Variants in RMDN3 observed in about 807,000 individuals in gnomAD.
RMDN3 encodes regulator of microtubule dynamics protein 3.
In RMDN3, 41 loss-of-function variants were observed where a neutral mutation model predicts 61.8. That is an observed-to-expected ratio of 0.66 (90% CI 0.52 to 0.86). The LOEUF (loss-of-function observed/expected upper bound fraction) is 0.86, where lower values mean the gene tolerates loss of function less well. Ranked by LOEUF, RMDN3 falls within the 40% of genes least tolerant of loss-of-function variation. The probability of loss-of-function intolerance (pLI) is 0.00; values close to 1 mark genes in which losing one functional copy is unlikely to be tolerated. For synonymous variants in RMDN3, 247 were observed against 232.0 expected (o/e 1.06, Z -0.59); for missense variants, 557 against 585.3 (o/e 0.95, Z 0.50).
chr15:40,744,152 G>A lies in RMDN3; in HGVS notation c.808-3C>T. The A allele has an allele frequency of 3.1e-6, 5 of 1,612,964 alleles. No individual in the cohort carries two copies. The highest frequency in any genetic ancestry group is 3.4e-6 in the Non-Finnish European group (4 of 1,179,928). On this transcript the variant is annotated splice_polypyrimidine_tract_variant and splice_region_variant and intron_variant, in intron 5 of 12. Coordinates refer to ENST00000338376, the MANE Select transcript of RMDN3 (RefSeq NM_018145.3). The stretch of plus-strand genomic sequence containing the variant: ...AGAAAGTCCTGCCGGCTTCCATACT[G>A]CAGACCAGACAGAAACGGGTGAGGC...
intron 10 of RMDN3, 63 bp from the exon 11 acceptor site, chr15:40,737,404 A>G: frequency 6.8e-7 from 1 of 1,474,998 alleles, no homozygotes. Context: ...GCTGAAGTTT[A>G]TTAAACTAGA....
chr15:40,741,235 C>T (rs183812809), intron 6 of RMDN3, among the ~76,000 whole-genome samples: 108 of 152,160 alleles, frequency 7.1e-4, no homozygotes, highest in Admixed American at 3.9e-3. Context: ...GGGATGGGTA[C>T]ATTGGCTCAC....
In RMDN3 at chr15:40,745,045, C is replaced by G. The variant is rs766526664; in HGVS notation, c.739G>C (p.Glu247Gln). The change falls in exon 5 of 13, where the codon GAG (glutamate) becomes CAG (glutamine). Residue 247 changes from glutamate to glutamine, a missense_variant. Glu to Gln is a conservative substitution (Grantham distance 29). Transcript: ENST00000338376. ...DVLPLLQQAD[E>Q]LHRGDEQGKR... ...CCTTGCTCATCACCCCTGTGCAGCTCGTCGGCCTGCTGCAGGAGGGGCAGC... is the reference window on the plus strand; with the variant it reads ...CCTTGCTCATCACCCCTGTGCAGCTGGTCGGCCTGCTGCAGGAGGGGCAGC... 2.5e-6 allele frequency: 4 copies of G among 1,613,964 alleles called. No individual in the cohort carries two copies. The highest frequency in any genetic ancestry group is 1.1e-5 in the South Asian group (1 of 91,086).
At chr15:40,748,656 G>A (rs1412256600) in intron 4 of RMDN3, among the ~76,000 whole-genome samples, 6 of 152,230 alleles carry the variant, frequency 3.9e-5, no homozygotes, top group Non-Finnish European at 7.3e-5. Flanking sequence ...CTGGAGTGCA[G>A]TGGTGCAATC....
chr15:40,738,025 G>A lies in RMDN3; in HGVS notation c.1065C>T (p.Ala355=), dbSNP rs751265623. The change falls in exon 9 of 13, where the codon GCC becomes GCT. Residue 355 remains alanine (A), a synonymous_variant. Transcript: ENST00000338376. ...TGGGGTTTTCTGGCTGGAGAGCAAT[G>A]GCTTTGTCCACATGCTCCTAAGGGG... ...GFSFKEHVDK[A]IALQPENPMA... 6.8e-6 allele frequency: 11 copies of A among 1,614,112 alleles called. No individual in the cohort carries two copies. In the East Asian group the frequency reaches 2.5e-4, roughly 36 times the overall value.
At chr15:40,739,904 G>T (rs1035132330) in intron 7 of RMDN3, among the ~76,000 whole-genome samples, 2 of 152,060 alleles carry the variant, frequency 1.3e-5, no homozygotes, top group African/African-American at 4.8e-5. Context: ...AGCCCCATCA[G>T]AAAAAAAGCT....
intron 4 of RMDN3, among the ~76,000 whole-genome samples, chr15:40,749,300 G>T (rs1363405459): frequency 6.6e-6 from 1 of 152,232 alleles, no homozygotes; most frequent in Non-Finnish European, 1.5e-5. Flanking sequence ...AACTGCTTGA[G>T]GCCAAGAGTT....
At chr15:40,750,210 GTTTTTTTTT>G (rs10586666) in intron 4 of RMDN3, among the ~76,000 whole-genome samples, 5 of 89,702 alleles carry the variant, frequency 5.6e-5, no homozygotes, top group South Asian at 4.8e-4. Flanking sequence ...TGCCCAGCTC[GTTTTTTTTT>G]TTTTTTTTTT....
intron 6 of RMDN3, among the ~76,000 whole-genome samples, chr15:40,743,267 A>C (rs1273341657): frequency 6.6e-6 from 1 of 152,142 alleles, no homozygotes; most frequent in Admixed American, 6.5e-5. Flanking sequence ...CTAAAAATAC[A>C]AGACTTAGTC....
At chr15:40,737,101 C>T (rs1567060557) in intron 12 of RMDN3, 23 bp downstream of exon 12, 4 of 1,590,602 alleles carry the variant, frequency 2.5e-6, no homozygotes, top group Middle Eastern at 1.7e-4. Flanking sequence ...ATCTGCCCAA[C>T]AGGCAGTATT....
Position 40,736,410 on chromosome 15 carries a change from A to T in RMDN3, c.*131T>A. On this transcript the variant is annotated 3_prime_UTR_variant, in exon 13 of 13. Transcript: ENST00000338376. Reference sequence around the variant, plus strand: ...AATAAATTAACTAATGGGGAGTGGTAGTGGGTAGCAGTCAGACCCAGGAGA... The same window carrying T: ...AATAAATTAACTAATGGGGAGTGGTTGTGGGTAGCAGTCAGACCCAGGAGA... 1.3e-6 allele frequency: 1 copy of T among 741,012 alleles called. No homozygotes were observed. Among genetic ancestry groups the T allele is most frequent in the Non-Finnish European group, 2.3e-6 (1 of 426,898 alleles). The allele number at this position is 741,012 out of a possible 1,614,324, so 45.9% of individuals were successfully genotyped here. A position where few individuals can be genotyped will look rare whatever the true frequency, so the allele number is the denominator to read the frequency against.
chr15:40,742,517 A>G (rs1335868902), intron 6 of RMDN3, among the ~76,000 whole-genome samples: 2 of 152,160 alleles, frequency 1.3e-5, no homozygotes, highest in African/African-American at 4.8e-5. Flanking sequence ...TAGACAAGAC[A>G]TTGCCTGAGA....
intron 5 of RMDN3, among the ~76,000 whole-genome samples, chr15:40,744,553 CAA>C (rs1897428980): frequency 6.6e-6 from 1 of 151,118 alleles, no homozygotes; most frequent in Non-Finnish European, 1.5e-5. Flanking sequence ...GTGAACCTGA[CAA>C]GAGAATTATG....
chr15:40,737,016 A>G, intron 12 of RMDN3, 108 bp downstream of exon 12: 4 of 914,938 alleles, frequency 4.4e-6, no homozygotes, highest in Admixed American at 3.7e-5. Flanking sequence ...ACTAGGCCCA[A>G]CTAATTTTGT....
At chr15:40,754,995 C>A (rs1596061126) in intron 1 of RMDN3, 88 bp downstream of exon 1, 3 of 542,896 alleles carry the variant, frequency 5.5e-6, no homozygotes, top group Admixed American at 3.4e-5. Flanking sequence ...CACTGCCTCT[C>A]TTCTCACCCA....
intron 2 of RMDN3, among the ~76,000 whole-genome samples, chr15:40,753,694 T>C (rs74011884): frequency 0.026 from 4,012 of 152,320 alleles, 170 homozygotes; most frequent in African/African-American, 0.092. Context: ...GCATTAAGCG[T>C]GCTCCTAGCC....
chr15:40,752,288 T>C, intron 2 of RMDN3, 110 bp from the exon 3 acceptor site: 3 of 1,123,374 alleles, frequency 2.7e-6, no homozygotes, highest in Non-Finnish European at 3.8e-6. Flanking sequence ...GAAGGCCCAG[T>C]GACGCTCAGA....
chr15:40,736,507 G>A lies in RMDN3; in HGVS notation c.*34C>T, dbSNP rs1043986. 9 of 1,600,796 alleles carry A rather than the reference G, an allele frequency of 5.6e-6. No individual in the cohort carries two copies. In the East Asian group the frequency reaches 1.3e-4, roughly 24 times the overall value. On this transcript the variant is annotated 3_prime_UTR_variant, in exon 13 of 13. Transcript: ENST00000338376. ...CCTCCCCGCCCCCCCACCTTAAATA[G>A]TGGCATCAAGTCATGAAGGCCAGTG...
At chr15:40,748,404 C>G (rs2141920147) in intron 4 of RMDN3, among the ~76,000 whole-genome samples, 1 of 152,318 alleles carries the variant, frequency 6.6e-6, no homozygotes, top group Admixed American at 6.5e-5. Context: ...GCTCTCATGC[C>G]ACGGGACTGG....
Sources: allele counts gnomAD v4.1 joint callset (sites outside exome capture counted in the v4.1 genomes callset), GRCh38; gene constraint gnomAD v4.1.1; transcripts MANE v1.5; gene names NCBI Gene and HGNC (gene_info 2026-07-23, HGNC 2026-07-21).